The following OR52K1 variants were observed in gnomAD, a reference collection of about 807,000 sequenced individuals.
OR52K1 encodes olfactory receptor family 52 subfamily K member 1, also known as olfactory receptor 52K1.
OR52K1 carries 10 observed loss-of-function variants against 8.7 expected under a neutral mutation model. The observed-to-expected ratio is 1.15, with a 90% confidence interval of 0.71 to 1.95. OR52K1 has a LOEUF of 1.95. Among genes scored for constraint, OR52K1 ranks in the 30% most tolerant of loss-of-function variants. OR52K1 has a pLI of 0.00. For synonymous variants in OR52K1, 203 were observed against 148.5 expected (o/e 1.37, Z -2.67); for missense variants, 431 against 397.2 (o/e 1.08, Z -0.72).
In OR52K1 at chr11:4,489,769, A is replaced by C. The variant is rs1224965447; in HGVS notation, c.869A>C (p.Asn290Thr). The change falls in exon 2 of 2, where the codon AAT becomes ACT. Residue 290 changes from asparagine to threonine, a missense_variant. Physicochemically the swap from Asn to Thr is moderately conservative, Grantham distance 65. Coordinates refer to ENST00000641528, the MANE Select transcript of OR52K1 (RefSeq NM_001005171.3). ...IFYLLFPPMV[N>T]PIIYGVKTKQ... ...TATCTCCTTTTCCCACCCATGGTCA[A>C]TCCTATCATATATGGAGTCAAGACC... is the stretch of plus-strand genomic sequence containing the variant. 1.2e-6 allele frequency: 2 copies of C among 1,614,080 alleles called. No homozygotes were observed. The highest frequency in any genetic ancestry group is 1.7e-6 in the Non-Finnish European group (2 of 1,180,014).
chr11:4,485,595 C>T (rs1397877511), intron 1 of OR52K1, among the ~76,000 whole-genome samples: 1 of 152,070 alleles, frequency 6.6e-6, no homozygotes, highest in East Asian at 1.9e-4. Flanking sequence ...AATATATCCC[C>T]AATCCTATTA....
chr11:4,492,850 G>A lies in OR52K1; in HGVS notation c.*3005G>A. The A allele has an allele frequency of 5.3e-6, 1 of 187,442 alleles. No individual in the cohort carries two copies. 11.6% of individuals were successfully genotyped at this position (187,442 alleles called of 1,614,324 possible). ...AGAGAAGAAAAGACAGCTGGGCCTG[G>A]GGGACCAGTACCACCAAGATGCAGA... On this transcript the variant is annotated 3_prime_UTR_variant, in exon 2 of 2. Transcript: ENST00000641528.
intron 1 of OR52K1, among the ~76,000 whole-genome samples, chr11:4,487,231 A>G (rs1846328086): frequency 6.6e-6 from 1 of 152,260 alleles, no homozygotes; most frequent in Non-Finnish European, 1.5e-5. Context: ...GTCACGGTAG[A>G]TTAATCAACA....
rs753207991 is a variant in OR52K1 at position 4,489,523 on chromosome 11, T to C, written c.623T>C (p.Ile208Thr). 3.1e-6 allele frequency: 5 copies of C among 1,614,262 alleles called. No homozygotes were observed. Among genetic ancestry groups the C allele is most frequent in the Non-Finnish European group, 4.2e-6 (5 of 1,180,046 alleles). Reference protein sequence around the residue: ...NIYGIAVAMFIVVLDLLFVIL... With the variant: ...NIYGIAVAMFTVVLDLLFVIL... Reference sequence around the variant, plus strand: ...TATGGCATTGCTGTGGCCATGTTTATTGTGGTGTTGGACCTGCTCTTTGTT... The same window carrying C: ...TATGGCATTGCTGTGGCCATGTTTACTGTGGTGTTGGACCTGCTCTTTGTT... The change falls in exon 2 of 2, where the codon ATT (isoleucine) becomes ACT (threonine). Residue 208 changes from isoleucine (I) to threonine (T), a missense_variant. Transcript: ENST00000641528.
At position 4,491,259 on chromosome 11, in the gene OR52K1, G is replaced by T. The variant is rs1846372267; in HGVS notation, c.*1414G>T. 6.6e-6 allele frequency: 1 copy of T among 152,064 alleles called. No homozygotes were observed. The highest frequency in any genetic ancestry group is 2.4e-5 in the African/African-American group (1 of 41,382). 9.4% of individuals were successfully genotyped at this position (152,064 alleles called of 1,614,324 possible). A position where few individuals can be genotyped will look rare whatever the true frequency, so the allele number is the denominator to read the frequency against. ...TGAGTAGCCCTGAAATGTACTTCGAGAATCAGAAAGTTTATTAAAAAAAAC... is the reference window on the plus strand; with the variant it reads ...TGAGTAGCCCTGAAATGTACTTCGATAATCAGAAAGTTTATTAAAAAAAAC... On this transcript the variant is annotated 3_prime_UTR_variant, in exon 2 of 2. Transcript: ENST00000641528.
rs776277901 is a variant in OR52K1, at chr11:4,488,984, G to C, written c.84G>C (p.Trp28Cys). 2 of 1,614,148 alleles carry C rather than the reference G, an allele frequency of 1.2e-6. No individual in the cohort carries two copies. Among genetic ancestry groups the C allele is most frequent in the Middle Eastern group, 1.6e-4 (1 of 6,062 alleles). Residue 28 changes from tryptophan (W) to cysteine (C), a missense_variant, in exon 2 of 2, where the codon TGG (tryptophan) becomes TGC (cysteine). Coordinates refer to ENST00000641528, the MANE Select transcript of OR52K1 (RefSeq NM_001005171.3). ...CTGGTTTGGAACACCTGCATGCCTG[G>C]ATCTCCATCCCCTTCTGCTTTGCTT... ...GIPGLEHLHA[W>C]ISIPFCFAYT...
chr11:4,485,333 TCAAA>T (rs900977625), intron 1 of OR52K1, among the ~76,000 whole-genome samples: 23 of 152,212 alleles, frequency 1.5e-4, no homozygotes, highest in South Asian at 8.3e-4. Context: ...CTGGGCGATC[TCAAA>T]CAGTTTTGTG....
At position 4,489,503 on chromosome 11, in the gene OR52K1, C is replaced by T. The variant is rs774007774; in HGVS notation, c.603C>T (p.Gly201=). Residue 201 remains glycine, a synonymous_variant, in exon 2 of 2, where the codon GGC becomes GGT. Coordinates refer to ENST00000641528, the MANE Select transcript of OR52K1 (RefSeq NM_001005171.3). ...CGDTSFNNIY[G]IAVAMFIVVL... is the part of the protein sequence containing the mutation. ...ACACTAGCTTCAACAATATCTATGG[C>T]ATTGCTGTGGCCATGTTTATTGTGG... 3 of 1,614,106 alleles carry T rather than the reference C, an allele frequency of 1.9e-6. No homozygotes were observed. The highest frequency in any genetic ancestry group is 1.7e-5 in the Admixed American group (1 of 60,012).
chr11:4,489,249 C>G lies in OR52K1; in HGVS notation c.349C>G (p.Leu117Val). 6.2e-7 allele frequency: 1 copy of G among 1,614,196 alleles called. No individual in the cohort carries two copies. Among genetic ancestry groups the G allele is most frequent in the South Asian group, 1.1e-5 (1 of 91,090 alleles). ...HSFSIMESAV[L>V]LAMAFDRYVA... ...CTTCTCCATCATGGAGTCAGCAGTG[C>G]TGCTGGCCATGGCCTTTGACCGCTA... The change falls in exon 2 of 2, where the codon CTG becomes GTG. Residue 117 changes from leucine (L) to valine (V), a missense_variant. Transcript: ENST00000641528.
At chr11:4,486,693 C>A (rs1023661746) in intron 1 of OR52K1, among the ~76,000 whole-genome samples, 1 of 152,144 alleles carries the variant, frequency 6.6e-6, no homozygotes, top group Non-Finnish European at 1.5e-5. Context: ...CTTTTATTAT[C>A]CTTCTCCAAC....
At position 4,491,182 on chromosome 11, in the gene OR52K1, C is replaced by T. The variant is rs1846371597; in HGVS notation, c.*1337C>T. ...TCTATCATGGGTAGGGTATTTCCTT[C>T]ACTCCACGAATTTTAAACTTTGCTG... On this transcript the variant is annotated 3_prime_UTR_variant, in exon 2 of 2. Coordinates refer to ENST00000641528, the MANE Select transcript of OR52K1 (RefSeq NM_001005171.3). 6.6e-6 allele frequency: 1 copy of T among 152,170 alleles called. No homozygotes were observed. The highest frequency in any genetic ancestry group is 6.5e-5 in the Admixed American group (1 of 15,276). 9.4% of individuals were successfully genotyped at this position (152,170 alleles called of 1,614,324 possible). A position where few individuals can be genotyped will look rare whatever the true frequency, so the allele number is the denominator to read the frequency against.
Position 4,490,073 on chromosome 11 carries a change from C to T in OR52K1, c.*228C>T. 1 of 506,974 alleles carries T rather than the reference C, an allele frequency of 2.0e-6. No individual in the cohort carries two copies. Among genetic ancestry groups the T allele is most frequent in the Non-Finnish European group, 3.5e-6 (1 of 285,596 alleles). The allele number at this position is 506,974 out of a possible 1,614,324, so 31.4% of individuals were successfully genotyped here. A position where few individuals can be genotyped will look rare whatever the true frequency, so the allele number is the denominator to read the frequency against. On this transcript the variant is annotated 3_prime_UTR_variant, in exon 2 of 2. Transcript: ENST00000641528. ...TTTGACCTTCCCATTGTCATAGACTCATCACATGGCTAAGGAAGACAAACC... is the reference window on the plus strand; with the variant it reads ...TTTGACCTTCCCATTGTCATAGACTTATCACATGGCTAAGGAAGACAAACC...
chr11:4,488,881 C>A lies in OR52K1; in HGVS notation c.-20C>A. ...GGTGAAGAAGCCCTGTAAAAATTGA[C>A]AAGGAGATTTCCAGGAGCCATGCTT... On this transcript the variant is annotated 5_prime_UTR_variant, in exon 2 of 2. Transcript: ENST00000641528. 6.3e-7 allele frequency: 1 copy of A among 1,579,042 alleles called. No homozygotes were observed. Among genetic ancestry groups the A allele is most frequent in the South Asian group, 1.1e-5 (1 of 88,530 alleles).
rs763775938 is a variant in OR52K1 at position 4,489,332 on chromosome 11, C to T, written c.432C>T (p.Thr144=). 4.6e-5 allele frequency: 74 copies of T among 1,614,084 alleles called. No individual in the cohort carries two copies. Among genetic ancestry groups the T allele is most frequent in the Non-Finnish European group, 6.1e-5 (72 of 1,180,046 alleles). The change falls in exon 2 of 2, where the codon ACC becomes ACT. Residue 144 remains threonine, a synonymous_variant. Coordinates refer to ENST00000641528, the MANE Select transcript of OR52K1 (RefSeq NM_001005171.3). ...YTTVLTGSLI[T]KIGMAAVARA... ...CGGTCCTGACTGGGTCCCTCATCAC[C>T]AAGATTGGCATGGCTGCTGTGGCCC...
Position 4,488,765 on chromosome 11 carries a change from A to T in OR52K1, c.-136A>T, listed in dbSNP as rs1489399365. 1.5e-6 allele frequency: 1 copy of T among 657,306 alleles called. No individual in the cohort carries two copies. The highest frequency in any genetic ancestry group is 1.8e-5 in the African/African-American group (1 of 55,196). 40.7% of individuals were successfully genotyped at this position (657,306 alleles called of 1,614,324 possible). ...AAGGCTGCTAGGTTATTTTGTTTAA[A>T]GTCTAGCAATGGAAACAAGAGGTAA... On this transcript the variant is annotated 5_prime_UTR_variant, in exon 2 of 2. The change creates a new upstream start codon in the 5' untranslated region. Transcript: ENST00000641528.
At position 4,489,616 on chromosome 11, in the gene OR52K1, C is replaced by A. The variant is rs1311952687; in HGVS notation, c.716C>A (p.Ala239Glu). 1 of 1,614,122 alleles carries A rather than the reference C, an allele frequency of 6.2e-7. No homozygotes were observed. The highest frequency in any genetic ancestry group is 8.5e-7 in the Non-Finnish European group (1 of 1,179,956). ...QLASQEARYK[A>E]FGTCVSHIGA... ...GCCTCTCAGGAGGCCCGCTACAAGG[C>A]ATTTGGGACATGTGTGTCTCACATA... Residue 239 changes from alanine (A) to glutamate (E), a missense_variant, in exon 2 of 2, where the codon GCA becomes GAA. Transcript: ENST00000641528.
rs1202202802 is a variant in OR52K1, at chr11:4,488,750, G to C, written c.-151G>C. The C allele has an allele frequency of 3.2e-6, 2 of 626,482 alleles. No homozygotes were observed. The highest frequency in any genetic ancestry group is 5.9e-5 in the Admixed American group (2 of 33,724). The allele number at this position is 626,482 out of a possible 1,614,324, so 38.8% of individuals were successfully genotyped here. The stretch of plus-strand genomic sequence containing the variant: ...TTCTCCATGTCTATGAAGGCTGCTA[G>C]GTTATTTTGTTTAAAGTCTAGCAAT... On this transcript the variant is annotated 5_prime_UTR_variant, in exon 2 of 2. Coordinates refer to ENST00000641528, the MANE Select transcript of OR52K1 (RefSeq NM_001005171.3).
In OR52K1 at chr11:4,483,071, C is replaced by T. The variant is rs370995457; in HGVS notation, c.-434C>T. ...GGATCTGTCACTTCTCACCTCCTGT[C>T]ATTGCTTTTTCTAACCCCTGGCAAA... On this transcript the variant is annotated 5_prime_UTR_variant, in exon 1 of 2. Transcript: ENST00000641528. 1.6e-4 allele frequency: 64 copies of T among 398,376 alleles called. No individual in the cohort carries two copies. The highest frequency in any genetic ancestry group is 1.2e-3 in the African/African-American group (57 of 48,738). 24.7% of individuals were successfully genotyped at this position (398,376 alleles called of 1,614,324 possible). A position where few individuals can be genotyped will look rare whatever the true frequency, so the allele number is the denominator to read the frequency against.
chr11:4,489,319 G>T lies in OR52K1; in HGVS notation c.419G>T (p.Gly140Val), dbSNP rs1456057396. Residue 140 changes from glycine to valine, a missense_variant, in exon 2 of 2, where the codon GGG becomes GTG. Gly to Val is a moderately radical substitution (Grantham distance 109). Transcript: ENST00000641528. ...TTGCACTACACGACGGTCCTGACTGGGTCCCTCATCACCAAGATTGGCATG... is the reference window on the plus strand; with the variant it reads ...TTGCACTACACGACGGTCCTGACTGTGTCCCTCATCACCAAGATTGGCATG... ...KPLHYTTVLT[G>V]SLITKIGMAA... 2.5e-6 allele frequency: 4 copies of T among 1,613,988 alleles called. No individual in the cohort carries two copies. The highest frequency in any genetic ancestry group is 3.4e-6 in the Non-Finnish European group (4 of 1,180,032).
Sources: gnomAD v4.1 joint callset for allele counts (sites outside exome capture counted in the v4.1 genomes callset) on GRCh38, gnomAD v4.1.1 for gene constraint, MANE v1.5 for transcripts, NCBI Gene and HGNC (gene_info 2026-07-23, HGNC 2026-07-21) for gene names.